Variants in CLSTN2 observed in about 807,000 individuals in gnomAD.
The protein encoded by CLSTN2 is calsyntenin-2.
CLSTN2 carries 48 observed loss-of-function variants against 101.2 expected under a neutral mutation model. The ratio of observed to expected loss-of-function variants is 0.47; its 90% CI spans 0.38 to 0.60. CLSTN2 has a LOEUF of 0.60. Ranked by LOEUF, CLSTN2 falls within the 20% of genes least tolerant of loss-of-function variation. CLSTN2 has a pLI of 0.00. For missense variants in CLSTN2, 1,160 were observed against 1,238.2 expected, an observed-to-expected ratio of 0.94 and a Z score of 0.95; for synonymous variants, 481 against 463.6, an observed-to-expected ratio of 1.04 and a Z score of -0.48.
intron 1 of CLSTN2, among the ~76,000 whole-genome samples, chr3:139,983,841 T>C (rs1356513308): frequency 6.6e-6 from 1 of 152,210 alleles, no homozygotes; most frequent in Non-Finnish European, 1.5e-5. Flanking sequence ...ATCAATAGTA[T>C]ATTATTAACT....
chr3:140,509,404 A>G (rs1353814416), intron 8 of CLSTN2, among the ~76,000 whole-genome samples: 1 of 152,096 alleles, frequency 6.6e-6, no homozygotes, highest in Non-Finnish European at 1.5e-5. Flanking sequence ...GTGAGGCTGG[A>G]GAGTGAATTT....
chr3:140,082,050 G>A (rs1339713487), intron 1 of CLSTN2, among the ~76,000 whole-genome samples: 1 of 152,188 alleles, frequency 6.6e-6, no homozygotes, highest in South Asian at 2.1e-4. Flanking sequence ...CCTATTAGAG[G>A]TGCTAAAACA....
At chr3:139,940,183 C>A (rs1386523389) in intron 1 of CLSTN2, among the ~76,000 whole-genome samples, 3 of 152,162 alleles carry the variant, frequency 2.0e-5, no homozygotes, top group Non-Finnish European at 4.4e-5. Flanking sequence ...GAGCAGTATG[C>A]AGTGATTTGC....
At chr3:140,023,411 G>A (rs1053009415) in intron 1 of CLSTN2, among the ~76,000 whole-genome samples, 2 of 152,188 alleles carry the variant, frequency 1.3e-5, no homozygotes, top group Non-Finnish European at 2.9e-5. Flanking sequence ...AGGGAGTCAG[G>A]GGGTAGAGTA....
chr3:140,051,241 G>T (rs1169846961), intron 1 of CLSTN2, among the ~76,000 whole-genome samples: 1 of 152,242 alleles, frequency 6.6e-6, no homozygotes. Flanking sequence ...ATCAGAGAGA[G>T]GCTGTCTGGA....
At chr3:140,450,407 C>T (rs1933216752) in intron 6 of CLSTN2, among the ~76,000 whole-genome samples, 1 of 152,150 alleles carries the variant, frequency 6.6e-6, no homozygotes, top group Admixed American at 6.6e-5. Context: ...CGAGAAGTGC[C>T]TCATGTGCTT....
In CLSTN2 at chr3:140,321,547, A is replaced by G. The variant is rs966347771; in HGVS notation, c.233-82082A>G. Among the ~76,000 whole-genome samples the G allele has an allele frequency of 5.3e-5, 8 of 152,282 alleles. No individual in the cohort carries two copies. In the South Asian group the frequency reaches 1.2e-3, roughly 24 times the overall value. ...GAGAGAGACCACTGGGGACCCTCCA[A>G]GCTAATAATGTAACACCCCTGCAAG... On this transcript the variant is annotated intron_variant, in intron 2 of 16. Coordinates refer to ENST00000458420, the MANE Select transcript of CLSTN2 (RefSeq NM_022131.3).
At chr3:140,438,245 C>G (rs990755861) in intron 5 of CLSTN2, among the ~76,000 whole-genome samples, 1 of 151,854 alleles carries the variant, frequency 6.6e-6, no homozygotes, top group African/African-American at 2.4e-5. Context: ...ACTCCTAACC[C>G]TGTCAGAGAG....
intron 2 of CLSTN2, among the ~76,000 whole-genome samples, chr3:140,292,282 A>G (rs1041517628): frequency 2.0e-5 from 3 of 152,080 alleles, no homozygotes; most frequent in African/African-American, 7.2e-5. Flanking sequence ...CATTCTTCCC[A>G]TGGCTGTCAG....
intron 2 of CLSTN2, among the ~76,000 whole-genome samples, chr3:140,373,826 G>A (rs2087885846): frequency 6.6e-6 from 1 of 152,200 alleles, no homozygotes; most frequent in Non-Finnish European, 1.5e-5. Context: ...GTCAAAGCAA[G>A]GAGACAGGGA....
At chr3:140,249,608 A>G (rs1003890209) in intron 2 of CLSTN2, among the ~76,000 whole-genome samples, 1 of 152,124 alleles carries the variant, frequency 6.6e-6, no homozygotes, top group Non-Finnish European at 1.5e-5. Context: ...TACCAACTCT[A>G]TGGCATTATT....
intron 1 of CLSTN2, among the ~76,000 whole-genome samples, chr3:139,940,659 C>T (rs1935111057): frequency 6.6e-6 from 1 of 152,058 alleles, no homozygotes; most frequent in African/African-American, 2.4e-5. Flanking sequence ...TGTGGATATG[C>T]ACCTGTGTGT....
chr3:140,437,149 C>T (rs548724185), intron 5 of CLSTN2, among the ~76,000 whole-genome samples: 3 of 150,750 alleles, frequency 2.0e-5, no homozygotes, highest in East Asian at 4.1e-4. Flanking sequence ...CCCAGGTTCA[C>T]GCCATTCTCC....
At chr3:140,442,702 A>G (rs569327031) in intron 5 of CLSTN2, among the ~76,000 whole-genome samples, 38 of 152,272 alleles carry the variant, frequency 2.5e-4, no homozygotes, top group African/African-American at 7.9e-4. Context: ...GACTAACCCA[A>G]CTGCTGAATG....
At chr3:140,193,037 T>G (rs1435739950) in intron 2 of CLSTN2, among the ~76,000 whole-genome samples, 1 of 151,886 alleles carries the variant, frequency 6.6e-6, no homozygotes, top group Admixed American at 6.6e-5. Context: ...AAAAGATGTA[T>G]GGGAATATCT....
At chr3:139,948,465 GA>G (rs908899359) in intron 1 of CLSTN2, among the ~76,000 whole-genome samples, 27 of 141,026 alleles carry the variant, frequency 1.9e-4, no homozygotes, top group East Asian at 4.1e-4. Flanking sequence ...TCCATCTCAA[GA>G]AAAAAAAAAG....
intron 2 of CLSTN2, among the ~76,000 whole-genome samples, chr3:140,179,237 C>T (rs2010370137): frequency 6.6e-6 from 1 of 151,528 alleles, no homozygotes; most frequent in South Asian, 2.1e-4. Flanking sequence ...ACAGTAAAAG[C>T]ATGAGGTATA....
At chr3:139,986,694 A>G (rs1936026736) in intron 1 of CLSTN2, among the ~76,000 whole-genome samples, 1 of 151,972 alleles carries the variant, frequency 6.6e-6, no homozygotes, top group South Asian at 2.1e-4. Context: ...GCACATTCCT[A>G]TATTGTTTGA....
intron 1 of CLSTN2, among the ~76,000 whole-genome samples, chr3:140,015,727 T>C (rs1260423603): frequency 1.3e-5 from 2 of 152,238 alleles, no homozygotes; most frequent in Non-Finnish European, 2.9e-5. Flanking sequence ...CTGTGGAAGC[T>C]GGGCCTAGGG....
Sources: allele counts gnomAD v4.1 joint callset (sites outside exome capture counted in the v4.1 genomes callset), GRCh38; gene constraint gnomAD v4.1.1; transcripts MANE v1.5; gene names NCBI Gene and HGNC (gene_info 2026-07-23, HGNC 2026-07-21).